The following PLCD1 variants were observed in gnomAD, a reference collection of about 807,000 sequenced individuals.
The protein encoded by PLCD1 is phospholipase C delta 1.
A neutral mutation model predicts 87.4 loss-of-function variants in PLCD1; 71 were observed. That is an observed-to-expected ratio of 0.81 (90% CI 0.67 to 0.99). The LOEUF (loss-of-function observed/expected upper bound fraction) is 0.99. Among genes scored for constraint, PLCD1 ranks in the 50% least tolerant of loss-of-function variants. The pLI is 0.00. For missense variants in PLCD1, 867 were observed against 1,001.5 expected (o/e 0.87, Z 1.81); for synonymous variants, 348 against 399.2 (o/e 0.87, Z 1.53).
intron 11 of PLCD1, 174 bp from the exon 12 acceptor site, chr3:38,008,810 C>A: frequency 1.5e-6 from 1 of 685,310 alleles, no homozygotes; most frequent in Admixed American, 2.3e-5. Flanking sequence ...CTAACCACAC[C>A]TTCCATTCCT....
chr3:38,010,188 G>A lies in PLCD1; in HGVS notation c.1080C>T (p.Phe360=). The part of the protein sequence containing the change: ...QEPIIYHGYT[F]TSKILFCDVL... ...CATCGCAGAAGAGGATCTTGGAAGT[G>A]AAAGTATAGCCGTGGTAGATGATTG... is the stretch of plus-strand genomic sequence containing the variant. The change falls in exon 7 of 15, where the codon TTC becomes TTT. Residue 360 remains phenylalanine, a synonymous_variant. Transcript: ENST00000334661. The A allele has an allele frequency of 6.2e-7, 1 of 1,614,252 alleles. No homozygotes were observed. The highest frequency in any genetic ancestry group is 8.5e-7 in the Non-Finnish European group (1 of 1,180,034).
At position 38,029,560 on chromosome 3, in the gene PLCD1, G is replaced by A. The variant is rs1173330756; in HGVS notation, c.-21C>T. Reference sequence around the variant, plus strand: ...TCCATGCCCGACGGGCGGCGCGGCGGGAGGGGCACCGCGGGACTCACTTGA... The same window carrying A: ...TCCATGCCCGACGGGCGGCGCGGCGAGAGGGGCACCGCGGGACTCACTTGA... On this transcript the variant is annotated 5_prime_UTR_variant, in exon 1 of 15. Coordinates refer to ENST00000334661, the MANE Select transcript of PLCD1 (RefSeq NM_006225.4). 1 of 1,536,028 alleles carries A rather than the reference G, an allele frequency of 6.5e-7. No individual in the cohort carries two copies. Among genetic ancestry groups the A allele is most frequent in the Non-Finnish European group, 8.7e-7 (1 of 1,145,830 alleles).
chr3:38,024,679 T>C (rs1559378602), intron 1 of PLCD1: 4 of 1,503,578 alleles, frequency 2.7e-6, no homozygotes, highest in East Asian at 2.6e-5. Context: ...GAGGCGGAGC[T>C]AGTCCACGAG....
intron 1 of PLCD1, among the ~76,000 whole-genome samples, chr3:38,026,760 T>G (rs1343829182): frequency 1.3e-5 from 2 of 152,224 alleles, no homozygotes; most frequent in Non-Finnish European, 2.9e-5. Context: ...GACTGGTTTT[T>G]GGGGCAACCT....
rs997923350 is a variant in PLCD1, at chr3:38,024,665, C to T, written c.35-4313G>A. 4.4e-5 allele frequency: 66 copies of T among 1,513,468 alleles called. No individual in the cohort carries two copies. In the African/African-American group the frequency reaches 8.5e-4, roughly 20 times the overall value. The allele number at this position is 1,513,468 out of a possible 1,614,324, so 93.8% of individuals were successfully genotyped here. A position where few individuals can be genotyped will look rare whatever the true frequency, so the allele number is the denominator to read the frequency against. ...TCTGGGCTGAGGGGGTAGTCAGACG[C>T]TAGGAGGCGGAGCTAGTCCACGAGC... is the stretch of plus-strand genomic sequence containing the variant. On this transcript the variant is annotated intron_variant, in intron 1 of 14. Coordinates refer to ENST00000334661, the MANE Select transcript of PLCD1 (RefSeq NM_006225.4).
intron 1 of PLCD1, among the ~76,000 whole-genome samples, chr3:38,020,977 A>C (rs780665645): frequency 2.0e-5 from 3 of 152,048 alleles, no homozygotes; most frequent in Non-Finnish European, 4.4e-5. Flanking sequence ...TTTCCTGTCT[A>C]TGAAATGGAG....
At chr3:38,016,217 T>C (rs2125547575) in intron 3 of PLCD1, among the ~76,000 whole-genome samples, 1 of 152,106 alleles carries the variant, frequency 6.6e-6, no homozygotes, top group African/African-American at 2.4e-5. Flanking sequence ...GAACCTAGTC[T>C]CTCTCTCCCC....
rs1559369689 is a variant in PLCD1, at chr3:38,007,745, AG to A, written c.*27del. 2 of 1,566,142 alleles carry A rather than the reference AG, an allele frequency of 1.3e-6. No individual in the cohort carries two copies. Among genetic ancestry groups the A allele is most frequent in the Non-Finnish European group, 1.8e-6 (2 of 1,136,476 alleles). On this transcript the variant is annotated 3_prime_UTR_variant, in exon 15 of 15. Transcript: ENST00000334661. ...TGTGGACAGAGGGCCCAGCCCACTC[AG>A]GGGGGACCCCACTGGCTTCCTCCAG... is the stretch of plus-strand genomic sequence containing the variant.
At chr3:38,028,331 G>A (rs1414496581) in intron 1 of PLCD1, among the ~76,000 whole-genome samples, 3 of 152,230 alleles carry the variant, frequency 2.0e-5, no homozygotes, top group Non-Finnish European at 2.9e-5. Context: ...GGCTATTGGT[G>A]TAAAAGCAAC....
chr3:38,013,038 T>G (rs1158494601), intron 3 of PLCD1, among the ~76,000 whole-genome samples: 1 of 151,774 alleles, frequency 6.6e-6, no homozygotes, highest in African/African-American at 2.4e-5. Flanking sequence ...TACAGGTGCA[T>G]GTCACTATGC....
chr3:38,009,537 A>C, intron 9 of PLCD1, 106 bp from the exon 10 acceptor site: 1 of 1,548,772 alleles, frequency 6.5e-7, no homozygotes, highest in Non-Finnish European at 8.9e-7. Flanking sequence ...ACAGACAGAG[A>C]GAGCGGGGCA....
rs747534091 is a variant in PLCD1 at position 38,008,453 on chromosome 3, C to T, written c.1902+5G>A. ...GGGCACCTGTCCCTCCTAGGTCCAG[C>T]GTACCCTGATGTTGAGCCGCTTCCG... On this transcript the variant is annotated splice_donor_5th_base_variant and intron_variant, in intron 12 of 14. Coordinates refer to ENST00000334661, the MANE Select transcript of PLCD1 (RefSeq NM_006225.4). 10 of 1,614,016 alleles carry T rather than the reference C, an allele frequency of 6.2e-6. No homozygotes were observed. The highest frequency in any genetic ancestry group is 2.7e-5 in the African/African-American group (2 of 74,934).
At chr3:38,022,704 T>C (rs761734070) in intron 1 of PLCD1, among the ~76,000 whole-genome samples, 10 of 152,090 alleles carry the variant, frequency 6.6e-5, no homozygotes, top group Non-Finnish European at 1.2e-4. Flanking sequence ...AGAAAGGTGA[T>C]AGCCACAGCC....
rs2125548793 is a variant in PLCD1 at position 38,018,638 on chromosome 3, A to G, written c.199+1550T>C. ...CACACACTGGGAGTCATCCATACGTATCGGTAGGTAGGTGGGCTCCAGGGA... is the reference window on the plus strand; with the variant it reads ...CACACACTGGGAGTCATCCATACGTGTCGGTAGGTAGGTGGGCTCCAGGGA... On this transcript the variant is annotated intron_variant, in intron 2 of 14. Coordinates refer to ENST00000334661, the MANE Select transcript of PLCD1 (RefSeq NM_006225.4). The surrounding 1 kb of genome is among the most constrained non-coding windows in gnomAD (Gnocchi z 5.7). Among the ~76,000 whole-genome samples the G allele has an allele frequency of 6.6e-6, 1 of 152,146 alleles. No homozygotes were observed. Among genetic ancestry groups the G allele is most frequent in the South Asian group, 2.1e-4 (1 of 4,818 alleles).
chr3:38,022,133 G>A (rs1700242184), intron 1 of PLCD1, among the ~76,000 whole-genome samples: 1 of 152,190 alleles, frequency 6.6e-6, no homozygotes, highest in South Asian at 2.1e-4. Flanking sequence ...CTCCTCAGGG[G>A]TGACAGTCTG....
intron 3 of PLCD1, among the ~76,000 whole-genome samples, chr3:38,013,651 T>C (rs1700116234): frequency 6.6e-6 from 1 of 152,198 alleles, no homozygotes; most frequent in Non-Finnish European, 1.5e-5. Context: ...AATGACTGTA[T>C]AATGTTCCAC....
chr3:38,010,232 C>T lies in PLCD1; in HGVS notation c.1036G>A (p.Asp346Asn). The change falls in exon 7 of 15, where the codon GAC (aspartate) becomes AAC (asparagine). Residue 346 changes from aspartate (D) to asparagine (N), a missense_variant. Coordinates refer to ENST00000334661, the MANE Select transcript of PLCD1 (RefSeq NM_006225.4). ...ATGATTGGTTCCTGGTTGGGCCCGT[C>T]CCAGCAGTCAAGCTCCAGGCATCGG... ...GCRCLELDCW[D>N]GPNQEPIIYH... is the part of the protein sequence containing the mutation. 6.2e-7 allele frequency: 1 copy of T among 1,614,258 alleles called. No individual in the cohort carries two copies. The highest frequency in any genetic ancestry group is 1.3e-5 in the African/African-American group (1 of 75,072).
rs375163917 is a variant in PLCD1 at position 38,010,039 on chromosome 3, A to G, written c.1152T>C (p.Pro384=). Residue 384 remains proline, a synonymous_variant, in exon 8 of 15, where the codon CCT becomes CCC. Transcript: ENST00000334661. ...AGTGGTTCTCCAGGGATAGGATGAC[A>G]GGGTAGGGGGACGCCTGGAGGCCCA... The part of the protein sequence containing the change: ...RDYAFKASPY[P]VILSLENHCT... The G allele has an allele frequency of 8.1e-6, 13 of 1,614,190 alleles. No individual in the cohort carries two copies. The highest frequency in any genetic ancestry group is 1.1e-5 in the South Asian group (1 of 91,090).
intron 4 of PLCD1, 48 bp from the exon 5 acceptor site, chr3:38,011,493 G>C: frequency 6.2e-7 from 1 of 1,613,940 alleles, no homozygotes; most frequent in South Asian, 1.1e-5. Flanking sequence ...CCTTGGGCCG[G>C]GGTCAAGGGC....
Sources: gnomAD v4.1 joint callset for allele counts (sites outside exome capture counted in the v4.1 genomes callset) on GRCh38, gnomAD v4.1.1 for gene constraint, Gnocchi (gnomAD v3.1) non-coding constraint, MANE v1.5 for transcripts, NCBI Gene and HGNC (gene_info 2026-07-23, HGNC 2026-07-21) for gene names.